Variants in POMT1 observed in about 807,000 individuals in gnomAD.
POMT1 encodes the protein protein O-mannosyl-transferase 1.
A neutral mutation model predicts 101.6 loss-of-function variants in POMT1; 85 were observed. The observed-to-expected ratio is 0.84, with a 90% CI of 0.70 to 1.00. The LOEUF is 1.00. Ranked by LOEUF, POMT1 falls within the 50% of genes least tolerant of loss-of-function variation. The pLI, the probability that POMT1 is intolerant of heterozygous loss-of-function variation, is 0.00. For synonymous variants in POMT1, 371 were observed against 383.0 expected (o/e 0.97, Z 0.37); for missense variants, 857 against 930.4 (o/e 0.92, Z 1.03).
intron 5 of POMT1, among the ~76,000 whole-genome samples, chr9:131,508,236 CAAAA>C (rs565757116): frequency 1.5e-5 from 2 of 132,348 alleles, no homozygotes; most frequent in Non-Finnish European, 3.2e-5. Flanking sequence ...GACTCCATCT[CAAAA>C]AAAATAAATA....
chr9:131,523,300 T>A lies in POMT1; in HGVS notation c.*194T>A. The A allele has an allele frequency of 1.5e-6, 1 of 662,226 alleles. No individual in the cohort carries two copies. The highest frequency in any genetic ancestry group is 2.6e-6 in the Non-Finnish European group (1 of 385,648). The allele number at this position is 662,226 out of a possible 1,614,324, so 41.0% of individuals were successfully genotyped here. On this transcript the variant is annotated 3_prime_UTR_variant, in exon 20 of 20. Coordinates refer to ENST00000402686, the MANE Select transcript of POMT1 (RefSeq NM_001077365.2). ...GCACCTCCTTTTGTGCAAAGTTAAT[T>A]TTTTCTCGACAATAAAGATATTCCG...
intron 2 of POMT1, among the ~76,000 whole-genome samples, chr9:131,505,457 T>G (rs1481920155): frequency 6.6e-6 from 1 of 151,964 alleles, no homozygotes; most frequent in Non-Finnish European, 1.5e-5. Flanking sequence ...GAGAAGGGGT[T>G]TCACCATGTT....
Position 131,518,628 on chromosome 9 carries a change from C to A in POMT1, c.1365+91C>A, listed in dbSNP as rs543589595. On this transcript the variant is annotated intron_variant, in intron 14 of 19. Transcript: ENST00000402686. ...TCAGGCTTCACCGCCTCTCTGCAGG[C>A]GGAACGCTTCATTTGAGTCATCATG... is the stretch of plus-strand genomic sequence containing the variant. 4.6e-5 allele frequency: 65 copies of A among 1,418,598 alleles called. No homozygotes were observed. The South Asian group carries it at 7.1e-4, about 16-fold the overall frequency. The allele number at this position is 1,418,598 out of a possible 1,614,324, so 87.9% of individuals were successfully genotyped here. A position where few individuals can be genotyped will look rare whatever the true frequency, so the allele number is the denominator to read the frequency against.
intron 9 of POMT1, 93 bp from the exon 10 acceptor site, chr9:131,511,244 T>C: frequency 1.5e-6 from 2 of 1,366,682 alleles, no homozygotes; most frequent in African/African-American, 1.5e-5. Context: ...AGCCTAAACA[T>C]CACCCCAGAG....
Position 131,519,394 on chromosome 9 carries a change from G to T in POMT1, c.1492G>T (p.Glu498Ter). The change falls in exon 16 of 20, where the codon GAG becomes TAG. Residue 498 changes from glutamate (E) to a stop codon, truncating the protein, a stop_gained. Coordinates refer to ENST00000402686, the MANE Select transcript of POMT1 (RefSeq NM_001077365.2). LOFTEE classifies it high-confidence loss of function. This position sits in a 1 kb window ranked among gnomAD's most constrained non-coding sequence, Gnocchi z 4.3. The part of the protein sequence containing the change: ...VEEHRYGASQ[E>*]QRERERELHS... Reference sequence around the variant, plus strand: ...GCCCTTGTCTGTTCTGCCAGGCCAGGAGCAGAGGGAGCGGGAACGGGAGCT... The same window carrying T: ...GCCCTTGTCTGTTCTGCCAGGCCAGTAGCAGAGGGAGCGGGAACGGGAGCT... 1 of 1,551,746 alleles carries T rather than the reference G, an allele frequency of 6.4e-7. No homozygotes were observed. The highest frequency in any genetic ancestry group is 1.2e-5 in the South Asian group (1 of 84,060).
At position 131,503,610 on chromosome 9, in the gene POMT1, C is replaced by T. The variant is rs1328696100; in HGVS notation, c.-31+537C>T. ...ATGCAGCCTCAAGAGAAGCGGAGCT[C>T]AAGGGAAGATGAAGCCTGGAGGAGA... On this transcript the variant is annotated intron_variant, in intron 1 of 19. Coordinates refer to ENST00000402686, the MANE Select transcript of POMT1 (RefSeq NM_001077365.2). This position sits in a 1 kb window ranked among gnomAD's most constrained non-coding sequence, Gnocchi z 4.4. Among the ~76,000 whole-genome samples the T allele has an allele frequency of 2.6e-5, 4 of 152,184 alleles. No individual in the cohort carries two copies. The highest frequency in any genetic ancestry group is 5.9e-5 in the Non-Finnish European group (4 of 68,036).
At chr9:131,512,378 C>T (rs898527857) in intron 11 of POMT1, among the ~76,000 whole-genome samples, 1 of 152,180 alleles carries the variant, frequency 6.6e-6, no homozygotes, top group Non-Finnish European at 1.5e-5. Context: ...ATGCCCCGAC[C>T]TGTGTCCCTC....
chr9:131,517,052 A>G (rs1830016543), intron 13 of POMT1: 1 of 152,268 alleles, frequency 6.6e-6, no homozygotes, highest in Non-Finnish European at 1.5e-5. Flanking sequence ...AATGCAGCCC[A>G]GCCCCATGAC....
chr9:131,515,033 G>A (rs1948003012), intron 12 of POMT1, among the ~76,000 whole-genome samples: 1 of 152,204 alleles, frequency 6.6e-6, no homozygotes, highest in Non-Finnish European at 1.5e-5. Flanking sequence ...TGCGTCCCCA[G>A]GCCAGCTGGG....
At chr9:131,521,695 G>C (rs1342713251) in intron 18 of POMT1, among the ~76,000 whole-genome samples, 1 of 152,106 alleles carries the variant, frequency 6.6e-6, no homozygotes, top group Admixed American at 6.5e-5. Flanking sequence ...TCTGTATTGT[G>C]GAATCTTAAA....
intron 9 of POMT1, chr9:131,510,976 CA>C: frequency 7.6e-6 from 2 of 263,716 alleles, no homozygotes; most frequent in South Asian, 4.9e-5. Context: ...TGCCGACGGC[CA>C]GTGCTGTAGT....
chr9:131,509,097 G>T lies in POMT1; in HGVS notation c.539+75G>T, dbSNP rs1946507496. On this transcript the variant is annotated intron_variant, in intron 6 of 19. Coordinates refer to ENST00000402686, the MANE Select transcript of POMT1 (RefSeq NM_001077365.2). ...TGGTTTGTTGATCTGAGATGGTCCAGTACCTTTTTTTGTTTCGTTTTGTGA... is the reference window on the plus strand; with the variant it reads ...TGGTTTGTTGATCTGAGATGGTCCATTACCTTTTTTTGTTTCGTTTTGTGA... 3 of 1,079,116 alleles carry T rather than the reference G, an allele frequency of 2.8e-6. No individual in the cohort carries two copies. In the East Asian group the frequency reaches 7.1e-5, roughly 26 times the overall value. The allele number at this position is 1,079,116 out of a possible 1,614,324, so 66.8% of individuals were successfully genotyped here.
intron 12 of POMT1, 121 bp downstream of exon 12, chr9:131,513,452 G>A (rs1588410732): frequency 2.1e-6 from 2 of 932,606 alleles, no homozygotes; most frequent in Admixed American, 4.0e-5. Context: ...ATCTGCATGT[G>A]TAGCAGCTCT....
At position 131,522,629 on chromosome 9, in the gene POMT1, G is replaced by T; in HGVS notation, c.2004-303G>T. ...GAGTGTGTTTGGAGGTTGGAGCAGA[G>T]GGCGAGGGCCTCCCGGTTTCAGGAA... is the stretch of plus-strand genomic sequence containing the variant. On this transcript the variant is annotated intron_variant, in intron 19 of 19. Transcript: ENST00000402686. The surrounding 1 kb of genome is among the most constrained non-coding windows in gnomAD (Gnocchi z 5.5). The T allele has an allele frequency of 1.8e-6, 1 of 546,530 alleles. No individual in the cohort carries two copies. The highest frequency in any genetic ancestry group is 3.3e-6 in the Non-Finnish European group (1 of 303,508). 33.9% of individuals were successfully genotyped at this position (546,530 alleles called of 1,614,324 possible).
chr9:131,510,077 G>A lies in POMT1; in HGVS notation c.699+81G>A, dbSNP rs1339579661. ...TGTCACAGGGGGTACTTGGTGAAAA[G>A]ACTCCAATCCTCAATGTTTTAGAAG... On this transcript the variant is annotated intron_variant, in intron 8 of 19. Transcript: ENST00000402686. The A allele has an allele frequency of 6.2e-7, 1 of 1,614,060 alleles. No homozygotes were observed. Among genetic ancestry groups the A allele is most frequent in the South Asian group, 1.1e-5 (1 of 91,074 alleles).
intron 15 of POMT1, 30 bp downstream of exon 15, chr9:131,518,987 C>T (rs1370373500): frequency 6.2e-7 from 1 of 1,612,480 alleles, no homozygotes; most frequent in African/African-American, 1.3e-5. Flanking sequence ...TCCGCCGCTC[C>T]TGGAATGTAC....
chr9:131,510,973 G>GATAATA, intron 9 of POMT1: 1 of 281,266 alleles, frequency 3.6e-6, no homozygotes, highest in Non-Finnish European at 6.8e-6. Context: ...GCCTGCCGAC[G>GATAATA]GCCAGTGCTG....
intron 13 of POMT1, 25 bp downstream of exon 13, chr9:131,515,547 G>C: frequency 6.2e-7 from 1 of 1,604,008 alleles, no homozygotes; most frequent in Non-Finnish European, 8.5e-7. Context: ...GGCTATAGCA[G>C]CCACAACCGT....
At position 131,509,753 on chromosome 9, in the gene POMT1, C is replaced by G; in HGVS notation, c.550C>G (p.Leu184Val). Residue 184 changes from leucine to valine, a missense_variant, in exon 7 of 20, where the codon CTG (leucine) becomes GTG (valine). Transcript: ENST00000402686. ...TTGTTTTTATTCCAGCCCTTTTTCT[C>G]TGAGCTGGTGGTTCTGGCTAACACT... ...FNCQKHSPFS[L>V]SWWFWLTLTG... The G allele has an allele frequency of 6.2e-7, 1 of 1,614,176 alleles. No homozygotes were observed. The highest frequency in any genetic ancestry group is 8.5e-7 in the Non-Finnish European group (1 of 1,180,018).
Sources: allele counts gnomAD v4.1 joint callset (sites outside exome capture counted in the v4.1 genomes callset), GRCh38; gene constraint gnomAD v4.1.1; non-coding constraint Gnocchi (gnomAD v3.1); transcripts MANE v1.5; gene names NCBI Gene and HGNC (gene_info 2026-07-23, HGNC 2026-07-21).